Variants in SERINC5 observed in about 807,000 individuals in gnomAD.
SERINC5 encodes the protein chromosome 5 open reading frame 12.
SERINC5 carries 41 observed loss-of-function variants against 63.1 expected under a neutral mutation model. The ratio of observed to expected loss-of-function variants is 0.65; its 90% CI spans 0.51 to 0.84. The LOEUF is 0.84. Ranked by LOEUF, SERINC5 falls within the 40% of genes least tolerant of loss-of-function variation. The pLI is 0.00. For synonymous variants in SERINC5, 222 were observed against 215.2 expected, an observed-to-expected ratio of 1.03 and a Z score of -0.28; for missense variants, 523 against 573.0, an observed-to-expected ratio of 0.91 and a Z score of 0.89.
chr5:80,128,217 T>C (rs1361018060), intron 11 of SERINC5: 1 of 152,236 alleles, frequency 6.6e-6, no homozygotes, highest in Non-Finnish European at 1.5e-5. Flanking sequence ...TAAGAAGATA[T>C]TTCCAGACTC....
At chr5:80,201,348 T>A (rs773353968) in intron 2 of SERINC5, among the ~76,000 whole-genome samples, 27 of 152,142 alleles carry the variant, frequency 1.8e-4, no homozygotes, top group Non-Finnish European at 3.1e-4. Context: ...TCTCCCTCTA[T>A]CTCTAGGATA....
At chr5:80,125,520 G>C (rs1441303091) in intron 11 of SERINC5, among the ~76,000 whole-genome samples, 1 of 152,192 alleles carries the variant, frequency 6.6e-6, no homozygotes, top group Non-Finnish European at 1.5e-5. Flanking sequence ...ATTGGAGTGA[G>C]AGTACTGGGA....
chr5:80,214,310 T>C (rs955177759), intron 1 of SERINC5, among the ~76,000 whole-genome samples: 2 of 152,180 alleles, frequency 1.3e-5, no homozygotes, highest in East Asian at 3.8e-4. Context: ...AACAGAGTTG[T>C]AGAATTATGA....
At chr5:80,233,136 T>C (rs1751527379) in intron 1 of SERINC5, among the ~76,000 whole-genome samples, 1 of 151,980 alleles carries the variant, frequency 6.6e-6, no homozygotes, top group Admixed American at 6.6e-5. Context: ...TAGCAATAAT[T>C]TCTTTAAGGC....
chr5:80,136,964 T>C (rs1006098414), downstream of SERINC5, among the ~76,000 whole-genome samples: 2 of 150,668 alleles, frequency 1.3e-5, no homozygotes, highest in African/African-American at 4.9e-5. Context: ...GGCGAAACCA[T>C]CTCTACCCCC....
At chr5:80,210,223 C>T (rs886342391) in intron 1 of SERINC5, among the ~76,000 whole-genome samples, 1 of 152,126 alleles carries the variant, frequency 6.6e-6, no homozygotes, top group East Asian at 1.9e-4. Flanking sequence ...TCCCTCCAAC[C>T]GCAGGAATGG....
rs1752329184 is a variant in SERINC5 at position 80,249,887 on chromosome 5, G to T, written c.27+6009C>A. Among the ~76,000 whole-genome samples, 2 of 152,118 alleles carry T rather than the reference G, an allele frequency of 1.3e-5. 1 individual carries two copies. The highest frequency in any genetic ancestry group is 4.1e-4 in the South Asian group (2 of 4,826). ...CAAAATGTGGTTCTCTCTGGGTAAT[G>T]ATATGTGTGATTTCCCTCTGTTTCA... On this transcript the variant is annotated intron_variant, in intron 1 of 11. Coordinates refer to ENST00000507668, the MANE Select transcript of SERINC5 (RefSeq NM_001174072.3).
chr5:80,196,380 G>A (rs1749501762), intron 2 of SERINC5, among the ~76,000 whole-genome samples: 1 of 151,986 alleles, frequency 6.6e-6, no homozygotes, highest in Non-Finnish European at 1.5e-5. Flanking sequence ...GTGAGGGTGT[G>A]GAGAAATGTG....
chr5:80,179,260 C>G (rs1360621201), intron 2 of SERINC5, among the ~76,000 whole-genome samples: 1 of 152,162 alleles, frequency 6.6e-6, no homozygotes, highest in Non-Finnish European at 1.5e-5. Context: ...GATCGTGACA[C>G]TGCACTCTAG....
At chr5:80,242,039 G>A (rs1385580029) in intron 1 of SERINC5, among the ~76,000 whole-genome samples, 1 of 152,054 alleles carries the variant, frequency 6.6e-6, no homozygotes, top group Admixed American at 6.5e-5. Flanking sequence ...GCTGAGGTAG[G>A]AGGATCACTT....
At position 80,143,135 on chromosome 5, in the gene SERINC5, AGCAGGT is replaced by A. The variant is rs1363256543; in HGVS notation, c.*522_*527del. 1 of 985,484 alleles carries A rather than the reference AGCAGGT, an allele frequency of 1.0e-6. No homozygotes were observed. Among genetic ancestry groups the A allele is most frequent in the African/African-American group, 1.7e-5 (1 of 57,232 alleles). 61.0% of individuals were successfully genotyped at this position (985,484 alleles called of 1,614,324 possible). A position where few individuals can be genotyped will look rare whatever the true frequency, so the allele number is the denominator to read the frequency against. On this transcript the variant is annotated 3_prime_UTR_variant, in exon 12 of 12. Coordinates refer to ENST00000507668, the MANE Select transcript of SERINC5 (RefSeq NM_001174072.3). ...GGCAGCACTGAGGGTGCAGTTGAAA[AGCAGGT>A]GCCTCCTCTTGGACCCTATAAATAC...
At chr5:80,159,839 A>C (rs764279318) in intron 7 of SERINC5, among the ~76,000 whole-genome samples, 15 of 152,210 alleles carry the variant, frequency 9.9e-5, no homozygotes, top group African/African-American at 1.4e-4. Flanking sequence ...CCTCATCCAC[A>C]TGTTAGGAAC....
intron 5 of SERINC5, among the ~76,000 whole-genome samples, chr5:80,169,947 G>C (rs911826308): frequency 2.6e-5 from 4 of 152,154 alleles, no homozygotes; most frequent in African/African-American, 9.7e-5. Context: ...TCTGTGGCTG[G>C]TGCTCCCAAA....
intron 1 of SERINC5, among the ~76,000 whole-genome samples, chr5:80,227,080 G>C (rs562649640): frequency 4.7e-4 from 71 of 152,064 alleles, no homozygotes; most frequent in African/African-American, 1.5e-3. Flanking sequence ...ATTTTTTGTA[G>C]GGACAAGGTT....
chr5:80,150,211 T>A (rs1241837446), intron 9 of SERINC5, among the ~76,000 whole-genome samples: 1 of 152,064 alleles, frequency 6.6e-6, no homozygotes, highest in African/African-American at 2.4e-5. Context: ...CAGACAAGTA[T>A]GAAACAGGTG....
chr5:80,159,367 T>C (rs945261643), intron 7 of SERINC5, among the ~76,000 whole-genome samples: 4 of 151,972 alleles, frequency 2.6e-5, no homozygotes, highest in African/African-American at 7.3e-5. Flanking sequence ...AGTTGAGAAG[T>C]CATTTTGCTG....
intron 2 of SERINC5, among the ~76,000 whole-genome samples, chr5:80,182,393 G>A (rs954132602): frequency 2.0e-5 from 3 of 152,010 alleles, no homozygotes; most frequent in Admixed American, 6.6e-5. Flanking sequence ...ATCTGTAGAG[G>A]AAATCTACAT....
chr5:80,117,931 G>C (rs1744397301), intron 11 of SERINC5, among the ~76,000 whole-genome samples: 1 of 151,896 alleles, frequency 6.6e-6, no homozygotes, highest in African/African-American at 2.4e-5. Context: ...TGCCAGACAT[G>C]GTGGCTCATG....
At chr5:80,137,543 G>T (rs1269190597), downstream of SERINC5, among the ~76,000 whole-genome samples, 9 of 151,062 alleles carry the variant, frequency 6.0e-5, no homozygotes, top group Non-Finnish European at 1.2e-4. Flanking sequence ...TCGGGAGGCT[G>T]AGGCAGGAAA....
Sources: allele counts gnomAD v4.1 joint callset (sites outside exome capture counted in the v4.1 genomes callset), GRCh38; gene constraint gnomAD v4.1.1; transcripts MANE v1.5; gene names NCBI Gene and HGNC (gene_info 2026-07-23, HGNC 2026-07-21).